PLEKHO2: variants seen among roughly 807,000 people sequenced by gnomAD.
The protein encoded by PLEKHO2 is pleckstrin homology domain-containing family O member 2.
PLEKHO2 carries 20 observed loss-of-function variants against 32.7 expected under a neutral mutation model. The observed-to-expected ratio is 0.61, with a 90% CI of 0.43 to 0.89. The LOEUF (loss-of-function observed/expected upper bound fraction) is 0.89. Ranked by LOEUF, PLEKHO2 falls within the 40% of genes least tolerant of loss-of-function variation. The pLI is 0.00. For missense variants in PLEKHO2, 568 were observed against 621.2 expected, an observed-to-expected ratio of 0.91 and a Z score of 0.91; for synonymous variants, 247 against 246.3, an observed-to-expected ratio of 1.00 and a Z score of -0.03.
intron 1 of PLEKHO2, among the ~76,000 whole-genome samples, chr15:64,847,301 G>C (rs187735908): frequency 7.2e-5 from 11 of 152,318 alleles, no homozygotes; most frequent in African/African-American, 2.6e-4. Context: ...TCCCTGGGGA[G>C]AGGCACACCT....
intron 1 of PLEKHO2, among the ~76,000 whole-genome samples, chr15:64,845,876 C>G (rs186207370): frequency 1.3e-5 from 2 of 152,014 alleles, no homozygotes; most frequent in African/African-American, 4.8e-5. Flanking sequence ...GTGGGTGGGT[C>G]CCCTGAAAGC....
intron 4 of PLEKHO2, 52 bp downstream of exon 4, chr15:64,860,050 G>A (rs369335714): frequency 1.4e-5 from 21 of 1,523,098 alleles, no homozygotes; most frequent in Middle Eastern, 1.8e-4. Context: ...TTCCCACTGC[G>A]TGTGATCTAG....
chr15:64,853,449 C>T (rs2084585127), intron 2 of PLEKHO2, among the ~76,000 whole-genome samples: 1 of 151,510 alleles, frequency 6.6e-6, no homozygotes, highest in Non-Finnish European at 1.5e-5. Flanking sequence ...GCTAACTGCC[C>T]GGCTAATTTT....
Position 64,867,920 on chromosome 15 carries a change from C to G in PLEKHO2, c.*2032C>G, listed in dbSNP as rs567877460. 6.6e-6 allele frequency: 1 copy of G among 152,348 alleles called. No homozygotes were observed. Among genetic ancestry groups the G allele is most frequent in the East Asian group, 1.9e-4 (1 of 5,188 alleles). 9.4% of individuals were successfully genotyped at this position (152,348 alleles called of 1,614,324 possible). The stretch of plus-strand genomic sequence containing the variant: ...GAGGAAGGTGGCATTCCGTGCTTGC[C>G]TCCTTGAGGAGGGTGGCATTCTGTG... On this transcript the variant is annotated 3_prime_UTR_variant, in exon 6 of 6. Transcript: ENST00000323544.
chr15:64,848,229 T>G (rs2084537482), intron 1 of PLEKHO2, among the ~76,000 whole-genome samples: 1 of 152,196 alleles, frequency 6.6e-6, no homozygotes, highest in African/African-American at 2.4e-5. Flanking sequence ...TGCTTTGAAT[T>G]CTGGCTCTGT....
In PLEKHO2 at chr15:64,844,694, G is replaced by A. The variant is rs77838821; in HGVS notation, c.12+2666G>A. Among the ~76,000 whole-genome samples the A allele has an allele frequency of 6.8e-4, 104 of 152,250 alleles. 3 individuals carry two copies. The East Asian group carries it at 0.019, about 28-fold the overall frequency. ...TTTCTATAGTAAAGGGGTTGAGGGG[G>A]CAGGGGCTTTGATAACCTTTTGTGC... is the stretch of plus-strand genomic sequence containing the variant. On this transcript the variant is annotated intron_variant, in intron 1 of 5. Coordinates refer to ENST00000323544, the MANE Select transcript of PLEKHO2 (RefSeq NM_025201.5).
chr15:64,863,700 C>T (rs1299451219), intron 5 of PLEKHO2, among the ~76,000 whole-genome samples: 1 of 151,102 alleles, frequency 6.6e-6, no homozygotes, highest in Non-Finnish European at 1.5e-5. Flanking sequence ...CTGCAGTGAG[C>T]TGTGACCATG....
chr15:64,860,985 A>G (rs1595832090), intron 4 of PLEKHO2, among the ~76,000 whole-genome samples: 1 of 152,222 alleles, frequency 6.6e-6, no homozygotes, highest in African/African-American at 2.4e-5. Context: ...TTCCCAGCCA[A>G]TCCTGACCCC....
At chr15:64,850,457 T>G (rs1289563514) in intron 2 of PLEKHO2, among the ~76,000 whole-genome samples, 1 of 152,220 alleles carries the variant, frequency 6.6e-6, no homozygotes, top group East Asian at 1.9e-4. Flanking sequence ...TCCGCTTTCT[T>G]CAACAGAAGA....
chr15:64,844,870 C>A (rs531398261), intron 1 of PLEKHO2, among the ~76,000 whole-genome samples: 3 of 152,186 alleles, frequency 2.0e-5, no homozygotes, highest in Non-Finnish European at 4.4e-5. Context: ...AGTGCTATGT[C>A]TCTGCCAATA....
chr15:64,852,117 A>G (rs1267340038), intron 2 of PLEKHO2, among the ~76,000 whole-genome samples: 1 of 152,176 alleles, frequency 6.6e-6, no homozygotes, highest in African/African-American at 2.4e-5. Context: ...GTGTTTTCCC[A>G]TGGCAGGACT....
At chr15:64,848,530 G>C in intron 1 of PLEKHO2, 63 bp from the exon 2 acceptor site, 1 of 1,597,808 alleles carries the variant, frequency 6.3e-7, no homozygotes, top group East Asian at 2.2e-5. Flanking sequence ...TGTGACCTAT[G>C]AACCTGTGAC....
intron 2 of PLEKHO2, among the ~76,000 whole-genome samples, chr15:64,849,046 G>A (rs1447532428): frequency 6.9e-6 from 1 of 145,494 alleles, no homozygotes; most frequent in African/African-American, 2.6e-5. Flanking sequence ...CGAGATCTCG[G>A]ATCACTGCAA....
chr15:64,850,738 G>A (rs924280400), intron 2 of PLEKHO2, among the ~76,000 whole-genome samples: 2 of 152,196 alleles, frequency 1.3e-5, no homozygotes, highest in Non-Finnish European at 2.9e-5. Flanking sequence ...TTGGGATTTG[G>A]ACAACCAAGG....
In PLEKHO2 at chr15:64,848,742, G is replaced by A. The variant is rs762887093; in HGVS notation, c.162G>A (p.Glu54=). Residue 54 remains glutamate (E), a splice_region_variant and synonymous_variant, in exon 2 of 6, where the codon GAG becomes GAA. Coordinates refer to ENST00000323544, the MANE Select transcript of PLEKHO2 (RefSeq NM_025201.5). The part of the protein sequence containing the change: ...CQAQLLVYEN[E]DDQKCVETVE... ...CCCAGCTGCTGGTCTATGAGAATGA[G>A]GTGAGGACCTGCTTGGCCCTGAGAT... 3 of 1,614,024 alleles carry A rather than the reference G, an allele frequency of 1.9e-6. No homozygotes were observed. Among genetic ancestry groups the A allele is most frequent in the Non-Finnish European group, 2.5e-6 (3 of 1,179,992 alleles).
At chr15:64,851,791 C>T (rs1342746929) in intron 2 of PLEKHO2, among the ~76,000 whole-genome samples, 1 of 152,076 alleles carries the variant, frequency 6.6e-6, no homozygotes, top group Non-Finnish European at 1.5e-5. Context: ...GGTGGATGGA[C>T]TTTTTGTTCC....
chr15:64,852,441 G>A (rs2084575801), intron 2 of PLEKHO2, among the ~76,000 whole-genome samples: 1 of 152,182 alleles, frequency 6.6e-6, no homozygotes, highest in Non-Finnish European at 1.5e-5. Flanking sequence ...AGGGGCTGAC[G>A]AGAGAGTCGA....
At chr15:64,856,711 G>A (rs544130178) in intron 3 of PLEKHO2, among the ~76,000 whole-genome samples, 4 of 152,280 alleles carry the variant, frequency 2.6e-5, no homozygotes, top group South Asian at 2.1e-4. Flanking sequence ...TGGGTGCTGC[G>A]GATGAAACAG....
intron 1 of PLEKHO2, among the ~76,000 whole-genome samples, chr15:64,845,839 G>A (rs1359771062): frequency 6.6e-6 from 1 of 152,206 alleles, no homozygotes; most frequent in African/African-American, 2.4e-5. Flanking sequence ...AGAGAGTTTA[G>A]AAAGGGGTGT....
Sources: gnomAD v4.1 joint callset for allele counts (sites outside exome capture counted in the v4.1 genomes callset) on GRCh38, gnomAD v4.1.1 for gene constraint, MANE v1.5 for transcripts, NCBI Gene and HGNC (gene_info 2026-07-23, HGNC 2026-07-21) for gene names.